SLC4A4: variants seen among roughly 807,000 people sequenced by gnomAD.
SLC4A4 encodes the protein electrogenic sodium bicarbonate cotransporter 1.
A neutral mutation model predicts 111.5 loss-of-function variants in SLC4A4; 27 were observed. The observed-to-expected ratio is 0.24, with a 90% CI of 0.18 to 0.33. The LOEUF (loss-of-function observed/expected upper bound fraction) is 0.33. Ranked by LOEUF, SLC4A4 falls within the 10% of genes least tolerant of loss-of-function variation. The probability of loss-of-function intolerance (pLI) is 1.00; values close to 1 mark genes in which losing one functional copy is unlikely to be tolerated. For synonymous variants in SLC4A4, 443 were observed against 463.4 expected, an observed-to-expected ratio of 0.96 and a Z score of 0.57; for missense variants, 909 against 1,315.5, an observed-to-expected ratio of 0.69 and a Z score of 4.78.
chr4:71,286,333 T>C (rs570494123), intron 3 of SLC4A4, among the ~76,000 whole-genome samples: 1 of 152,356 alleles, frequency 6.6e-6, no homozygotes, highest in South Asian at 2.1e-4. Context: ...AAGCACTCCA[T>C]GTGGATTCAG....
intron 2 of SLC4A4, among the ~76,000 whole-genome samples, chr4:71,248,461 T>G (rs1052600335): frequency 6.6e-6 from 1 of 151,182 alleles, no homozygotes; most frequent in East Asian, 1.9e-4. Flanking sequence ...TATATAGATA[T>G]AGATACATTT....
intron 2 of SLC4A4, among the ~76,000 whole-genome samples, chr4:71,167,035 T>C (rs1744795615): frequency 6.6e-6 from 1 of 152,110 alleles, no homozygotes. Flanking sequence ...ACAGATTCTG[T>C]GGGATAGGAC....
intron 13 of SLC4A4, among the ~76,000 whole-genome samples, chr4:71,466,931 AAGAG>A (rs61128918): frequency 1.7e-3 from 161 of 94,772 alleles, no homozygotes; most frequent in African/African-American, 3.5e-3. Flanking sequence ...ACAAGACGGG[AAGAG>A]AGAGAGAGAG....
At chr4:71,492,382 G>C (rs1280710844) in intron 15 of SLC4A4, among the ~76,000 whole-genome samples, 1 of 151,800 alleles carries the variant, frequency 6.6e-6, no homozygotes, top group Non-Finnish European at 1.5e-5. Flanking sequence ...AGAACTGCGA[G>C]CAGATCCACT....
chr4:71,079,144 C>A (rs946944452), intron 1 of SLC4A4, among the ~76,000 whole-genome samples: 1 of 152,114 alleles, frequency 6.6e-6, no homozygotes, highest in Non-Finnish European at 1.5e-5. Flanking sequence ...ACATTGAGGT[C>A]ATGAATAGTT....
chr4:71,443,401 C>T (rs1017691745), intron 8 of SLC4A4, among the ~76,000 whole-genome samples: 11 of 151,768 alleles, frequency 7.2e-5, no homozygotes, highest in Non-Finnish European at 1.2e-4. Flanking sequence ...CCACCCGCCT[C>T]GGCCTCCCAA....
At chr4:71,528,251 A>G (rs1049941545) in intron 16 of SLC4A4, among the ~76,000 whole-genome samples, 23 of 152,088 alleles carry the variant, frequency 1.5e-4, no homozygotes, top group African/African-American at 5.6e-4. Flanking sequence ...TTTGAAGTTT[A>G]ATGAGATACT....
chr4:71,093,046 G>A (rs1359294977), intron 2 of SLC4A4, among the ~76,000 whole-genome samples: 1 of 149,076 alleles, frequency 6.7e-6, no homozygotes, highest in Non-Finnish European at 1.5e-5. Context: ...AGTGAACCGA[G>A]ATCACGCCAC....
chr4:71,442,071 G>C (rs1391058183), intron 8 of SLC4A4, among the ~76,000 whole-genome samples: 4 of 151,968 alleles, frequency 2.6e-5, no homozygotes, highest in Admixed American at 6.6e-5. Context: ...CTTTACTAGG[G>C]GTTGAAAGAA....
intron 2 of SLC4A4, among the ~76,000 whole-genome samples, chr4:71,132,579 G>A (rs1326355825): frequency 6.6e-6 from 1 of 152,008 alleles, no homozygotes; most frequent in Non-Finnish European, 1.5e-5. Flanking sequence ...GGATACAGAG[G>A]GACAGACAGA....
At chr4:71,191,972 A>G (rs934795337) in intron 1 of SLC4A4, among the ~76,000 whole-genome samples, 23 of 152,204 alleles carry the variant, frequency 1.5e-4, no homozygotes, top group African/African-American at 5.5e-4. Flanking sequence ...GATTAAAAAA[A>G]TCAATATGAA....
chr4:71,332,302 G>A (rs4639039), intron 3 of SLC4A4, among the ~76,000 whole-genome samples: 101,495 of 151,838 alleles, frequency 0.67, 35,854 homozygotes, highest in Non-Finnish European at 0.79. Context: ...TTAAATTATC[G>A]CTTTGAATAA....
intron 2 of SLC4A4, among the ~76,000 whole-genome samples, chr4:71,248,491 G>A (rs944077247): frequency 1.5e-4 from 22 of 151,490 alleles, no homozygotes; most frequent in Non-Finnish European, 2.7e-4. Context: ...AGATATGAAA[G>A]ATTTTGCTAG....
intron 3 of SLC4A4, among the ~76,000 whole-genome samples, chr4:71,258,486 G>A (rs148377298): frequency 9.9e-5 from 15 of 152,260 alleles, no homozygotes; most frequent in African/African-American, 1.9e-4. Context: ...TGTAAACTCC[G>A]TGAGAGCAAA....
intron 1 of SLC4A4, among the ~76,000 whole-genome samples, chr4:71,226,495 T>C (rs1011050250): frequency 3.9e-5 from 6 of 152,278 alleles, no homozygotes; most frequent in African/African-American, 1.4e-4. Flanking sequence ...CATTTGAGAG[T>C]ATAGTTATAG....
chr4:71,297,325 C>T (rs1724869791), intron 3 of SLC4A4, among the ~76,000 whole-genome samples: 2 of 152,166 alleles, frequency 1.3e-5, no homozygotes, highest in Admixed American at 6.5e-5. Flanking sequence ...TGCTTACTGA[C>T]CCTGTTACTA....
intron 2 of SLC4A4, among the ~76,000 whole-genome samples, chr4:71,101,266 CA>C (rs1211339741): frequency 2.0e-5 from 3 of 151,176 alleles, no homozygotes; most frequent in South Asian, 2.1e-4. Flanking sequence ...CTCAAAAAAA[CA>C]AAAAAACAAA....
chr4:71,177,843 C>G (rs192653885), intron 2 of SLC4A4, among the ~76,000 whole-genome samples: 1 of 152,142 alleles, frequency 6.6e-6, no homozygotes, highest in Non-Finnish European at 1.5e-5. Flanking sequence ...TAGATATCTA[C>G]GGAACTCTCC....
chr4:71,315,270 A>T (rs1726591868), intron 3 of SLC4A4, among the ~76,000 whole-genome samples: 2 of 152,206 alleles, frequency 1.3e-5, no homozygotes, highest in South Asian at 4.1e-4. Context: ...TGACCTGTCC[A>T]GAGTTACTCT....
Sources: allele counts gnomAD v4.1 joint callset (sites outside exome capture counted in the v4.1 genomes callset), GRCh38; gene constraint gnomAD v4.1.1; transcripts MANE v1.5; gene names NCBI Gene and HGNC (gene_info 2026-07-23, HGNC 2026-07-21).